Variants in KLHL3 observed in about 807,000 individuals in gnomAD.
KLHL3 encodes kelch like family member 3.
A neutral mutation model predicts 70.5 loss-of-function variants in KLHL3; 19 were observed. The ratio of observed to expected loss-of-function variants is 0.27; its 90% CI spans 0.19 to 0.40. The LOEUF is 0.40. Among genes scored for constraint, KLHL3 ranks in the 10% least tolerant of loss-of-function variants. The pLI is 1.00. For missense variants in KLHL3, 512 were observed against 771.1 expected (o/e 0.66, Z 3.98); for synonymous variants, 258 against 290.3 (o/e 0.89, Z 1.13).
chr5:137,631,397 C>A (rs56214934), intron 12 of KLHL3, among the ~76,000 whole-genome samples: 33,034 of 151,990 alleles, frequency 0.22, 4,527 homozygotes, highest in Middle Eastern at 0.32. Context: ...TTTGAAAAGT[C>A]ATTTTCTTCA....
At chr5:137,647,926 C>T (rs1751098111) in intron 8 of KLHL3, among the ~76,000 whole-genome samples, 1 of 152,192 alleles carries the variant, frequency 6.6e-6, no homozygotes, top group South Asian at 2.1e-4. Context: ...CTTGCTAAGC[C>T]TCATTTTCAT....
intron 6 of KLHL3, among the ~76,000 whole-genome samples, chr5:137,671,303 C>A (rs1751752916): frequency 6.6e-6 from 1 of 152,176 alleles, no homozygotes; most frequent in Non-Finnish European, 1.5e-5. Flanking sequence ...CAAAGACTCT[C>A]TTTTCCATGA....
intron 3 of KLHL3, among the ~76,000 whole-genome samples, chr5:137,703,952 A>C (rs1409345016): frequency 6.6e-6 from 1 of 151,822 alleles, no homozygotes; most frequent in Non-Finnish European, 1.5e-5. Context: ...CGTGCTCTAC[A>C]ATAATAAAAG....
In KLHL3 at chr5:137,640,739, C is replaced by G. The variant is rs796856691; in HGVS notation, c.904-762G>C. 1.4e-4 allele frequency among the ~76,000 whole-genome samples: 22 copies of G among 152,082 alleles called. No homozygotes were observed. In the South Asian group the frequency reaches 3.1e-3, roughly 22 times the overall value. Reference sequence around the variant, plus strand: ...ACAGAGGGTGAGGCCAGCCACCCCCCCCAACTCCTGCTCTAGAGACAGGAT... The same window carrying G: ...ACAGAGGGTGAGGCCAGCCACCCCCGCCAACTCCTGCTCTAGAGACAGGAT... On this transcript the variant is annotated intron_variant, in intron 8 of 14. Transcript: ENST00000309755.
chr5:137,653,601 T>C (rs1413062576), intron 8 of KLHL3, among the ~76,000 whole-genome samples: 4 of 152,174 alleles, frequency 2.6e-5, no homozygotes, highest in Non-Finnish European at 4.4e-5. Context: ...AAATAGATAA[T>C]GTCAAGTAGT....
At chr5:137,660,357 C>A (rs1326724485) in intron 7 of KLHL3, among the ~76,000 whole-genome samples, 1 of 152,156 alleles carries the variant, frequency 6.6e-6, no homozygotes, top group East Asian at 1.9e-4. Context: ...GGTTGCCAAC[C>A]CTCCCTGTGG....
intron 8 of KLHL3, among the ~76,000 whole-genome samples, chr5:137,651,888 AGAC>A (rs1256161193): frequency 2.0e-5 from 3 of 152,256 alleles, no homozygotes; most frequent in African/African-American, 7.2e-5. Context: ...GTCCAGAAAT[AGAC>A]GAACACATAT....
chr5:137,720,429 C>T, intron 2 of KLHL3, 36 bp downstream of exon 2: 1 of 1,613,338 alleles, frequency 6.2e-7, no homozygotes, highest in South Asian at 1.1e-5. Flanking sequence ...TGGACAAGTT[C>T]CTTCTGCAAG....
chr5:137,620,664 A>C lies in KLHL3; in HGVS notation c.*1434T>G, dbSNP rs886059949. On this transcript the variant is annotated 3_prime_UTR_variant, in exon 15 of 15. Transcript: ENST00000309755. The stretch of plus-strand genomic sequence containing the variant: ...AATACAAATTACTCCATGCCCCCTC[A>C]AATGCCCGCTCCTCAAGATGCTTGA... 6.6e-6 allele frequency: 1 copy of C among 152,228 alleles called. No individual in the cohort carries two copies. The highest frequency in any genetic ancestry group is 2.4e-5 in the African/African-American group (1 of 41,458). 9.4% of individuals were successfully genotyped at this position (152,228 alleles called of 1,614,324 possible). A position where few individuals can be genotyped will look rare whatever the true frequency, so the allele number is the denominator to read the frequency against.
intron 5 of KLHL3, among the ~76,000 whole-genome samples, chr5:137,677,962 C>A (rs1236942025): frequency 6.6e-6 from 1 of 152,170 alleles, no homozygotes; most frequent in Non-Finnish European, 1.5e-5. Flanking sequence ...TGCAGAAAAG[C>A]CTCACTGGGA....
chr5:137,667,743 G>C (rs765274728), intron 6 of KLHL3, among the ~76,000 whole-genome samples: 1 of 152,160 alleles, frequency 6.6e-6, no homozygotes, highest in Non-Finnish European at 1.5e-5. Flanking sequence ...AGTTCAATTG[G>C]GAGCAATTCT....
At chr5:137,701,333 C>A (rs890401529) in intron 3 of KLHL3, among the ~76,000 whole-genome samples, 1 of 152,150 alleles carries the variant, frequency 6.6e-6, no homozygotes, top group Non-Finnish European at 1.5e-5. Context: ...CAGGCATGAG[C>A]CACCGTGCCC....
At chr5:137,695,586 G>A (rs1044195322) in intron 4 of KLHL3, among the ~76,000 whole-genome samples, 1 of 152,150 alleles carries the variant, frequency 6.6e-6, no homozygotes, top group Non-Finnish European at 1.5e-5. Flanking sequence ...CCATCCAATG[G>A]GGTTCTGGGA....
chr5:137,718,452 T>C (rs953146616), intron 2 of KLHL3, among the ~76,000 whole-genome samples: 2 of 152,184 alleles, frequency 1.3e-5, no homozygotes, highest in African/African-American at 2.4e-5. Context: ...GAGCTGTGAC[T>C]GGGACATTGC....
At position 137,709,884 on chromosome 5, in the gene KLHL3, T is replaced by C. The variant is rs561908711; in HGVS notation, c.135-28A>G. The C allele has an allele frequency of 3.2e-6, 5 of 1,584,092 alleles. No individual in the cohort carries two copies. In the African/African-American group the frequency reaches 6.7e-5, roughly 21 times the overall value. On this transcript the variant is annotated intron_variant, in intron 2 of 14. Coordinates refer to ENST00000309755, the MANE Select transcript of KLHL3 (RefSeq NM_017415.3). ...GTAAGACACCAGTGAGAGGACAGGA[T>C]GGGTTGCAGCAAGGACACCTACCCT...
chr5:137,720,968 A>G, intron 1 of KLHL3: 1 of 815,230 alleles, frequency 1.2e-6, no homozygotes, highest in Non-Finnish European at 1.5e-6. Flanking sequence ...TTTAGATTTA[A>G]GGGAAACAAA....
At chr5:137,659,277 A>G (rs1751416737) in intron 7 of KLHL3, among the ~76,000 whole-genome samples, 2 of 152,208 alleles carry the variant, frequency 1.3e-5, no homozygotes, top group Admixed American at 6.5e-5. Context: ...AGAGAATGAG[A>G]AGGGCCTCCC....
chr5:137,674,923 C>T (rs751618841), intron 6 of KLHL3, among the ~76,000 whole-genome samples: 83 of 152,178 alleles, frequency 5.5e-4, no homozygotes, highest in Admixed American at 4.2e-3. Context: ...ATCTAATTGT[C>T]AGAAGCTTCC....
rs1230593078 is a variant in KLHL3 at position 137,619,358 on chromosome 5, G to C, written c.*2740C>G. The C allele has an allele frequency of 6.6e-6, 1 of 152,592 alleles. No homozygotes were observed. The highest frequency in any genetic ancestry group is 1.5e-5 in the Non-Finnish European group (1 of 68,030). The allele number at this position is 152,592 out of a possible 1,614,324, so 9.5% of individuals were successfully genotyped here. ...TGGGTACTTATGAGAAATAACTTTG[G>C]AATTCAGAATCTGACTTCTACATTG... On this transcript the variant is annotated 3_prime_UTR_variant, in exon 15 of 15. Transcript: ENST00000309755.
Sources: allele counts gnomAD v4.1 joint callset (sites outside exome capture counted in the v4.1 genomes callset), GRCh38; gene constraint gnomAD v4.1.1; transcripts MANE v1.5; gene names NCBI Gene and HGNC (gene_info 2026-07-23, HGNC 2026-07-21).